Variants in PRKCA observed in about 807,000 individuals in gnomAD.
The protein encoded by PRKCA is protein kinase C alpha, also known as protein kinase C alpha type.
In PRKCA, 27 loss-of-function variants were observed where a neutral mutation model predicts 87.0. The observed-to-expected ratio is 0.31, with a 90% CI of 0.23 to 0.43. PRKCA has a LOEUF of 0.43. Ranked by LOEUF, PRKCA falls within the 20% of genes least tolerant of loss-of-function variation. The pLI, the probability that PRKCA is intolerant of heterozygous loss-of-function variation, is 1.00. For missense variants in PRKCA, 518 were observed against 852.3 expected (o/e 0.61, Z 4.88); for synonymous variants, 329 against 311.1 (o/e 1.06, Z -0.61).
At chr17:66,674,504 C>T (rs1362677508) in intron 5 of PRKCA, among the ~76,000 whole-genome samples, 2 of 152,162 alleles carry the variant, frequency 1.3e-5, no homozygotes, top group East Asian at 1.9e-4. Context: ...AGGTTGCATG[C>T]AGTTAAATAT....
At chr17:66,399,100 C>CTTTTCT (rs1555598364) in intron 2 of PRKCA, among the ~76,000 whole-genome samples, 14,067 of 117,000 alleles carry the variant, frequency 0.12, 1,448 homozygotes, top group African/African-American at 0.27. Flanking sequence ...CTTTTCTTTT[C>CTTTTCT]TTTTTTTTTT....
rs577868935 is a variant in PRKCA at position 66,444,359 on chromosome 17, C to T, written c.206-51842C>T. Among the ~76,000 whole-genome samples the T allele has an allele frequency of 1.3e-3, 198 of 152,274 alleles. 2 individuals are homozygous for T. Among genetic ancestry groups the T allele is most frequent in the South Asian group, 1.7e-3 (8 of 4,820 alleles). On this transcript the variant is annotated intron_variant, in intron 2 of 16. Transcript: ENST00000413366. ...CTTTCATAGTTCAACGTTCTGGAAT[C>T]CAGAGGTGTCTTACATGATGGCCTG... is the stretch of plus-strand genomic sequence containing the variant.
At chr17:66,541,751 T>C (rs1967996119) in intron 3 of PRKCA, among the ~76,000 whole-genome samples, 1 of 152,250 alleles carries the variant, frequency 6.6e-6, no homozygotes, top group South Asian at 2.1e-4. Context: ...TCAGATGACA[T>C]TTACATATCT....
chr17:66,754,893 G>A (rs74450667), intron 13 of PRKCA, among the ~76,000 whole-genome samples: 2,907 of 152,200 alleles, frequency 0.019, 42 homozygotes, highest in Non-Finnish European at 0.03. Flanking sequence ...GCCCCACCTT[G>A]ATGAGTTCAT....
intron 2 of PRKCA, among the ~76,000 whole-genome samples, chr17:66,436,400 G>A (rs1279855939): frequency 6.6e-6 from 1 of 152,188 alleles, no homozygotes; most frequent in African/African-American, 2.4e-5. Context: ...CCCCATTTAT[G>A]AGGGTGAAAA....
At chr17:66,585,697 A>G (rs1339639602) in intron 3 of PRKCA, among the ~76,000 whole-genome samples, 2 of 152,232 alleles carry the variant, frequency 1.3e-5, no homozygotes, top group Non-Finnish European at 2.9e-5. Flanking sequence ...GCAGGGAGCC[A>G]GCAGCTTAAG....
chr17:66,493,036 G>T (rs984755333), intron 2 of PRKCA, among the ~76,000 whole-genome samples: 1 of 152,200 alleles, frequency 6.6e-6, no homozygotes, highest in Non-Finnish European at 1.5e-5. Context: ...ACCTTTCTGT[G>T]GATGGTTCCT....
intron 3 of PRKCA, among the ~76,000 whole-genome samples, chr17:66,513,783 A>G (rs1038552810): frequency 4.6e-5 from 7 of 152,242 alleles, no homozygotes; most frequent in Admixed American, 1.3e-4. Context: ...TAGGTGCAAA[A>G]GCTTAATATA....
intron 3 of PRKCA, among the ~76,000 whole-genome samples, chr17:66,508,687 A>G (rs1567865418): frequency 6.6e-6 from 1 of 152,114 alleles, no homozygotes; most frequent in Non-Finnish European, 1.5e-5. Flanking sequence ...TAGGTTTCCA[A>G]GTGCTACGAG....
intron 2 of PRKCA, among the ~76,000 whole-genome samples, chr17:66,309,800 T>C (rs1397722756): frequency 6.6e-6 from 1 of 152,194 alleles, no homozygotes; most frequent in Non-Finnish European, 1.5e-5. Context: ...CACTTTTTTT[T>C]TCCCCCGTCA....
At position 66,637,307 on chromosome 17, in the gene PRKCA, T is replaced by C. The variant is rs183066310; in HGVS notation, c.289-4048T>C. On this transcript the variant is annotated intron_variant, in intron 3 of 16. Transcript: ENST00000413366. The stretch of plus-strand genomic sequence containing the variant: ...TCTTTATTAATTTAGTGCCATTTGT[T>C]GATGCCTCGTTTCTGCAGGGAAAAC... Among the ~76,000 whole-genome samples the C allele has an allele frequency of 2.6e-3, 395 of 152,330 alleles. 2 individuals are homozygous for C. The highest frequency in any genetic ancestry group is 4.9e-3 in the Non-Finnish European group (335 of 68,034).
At chr17:66,568,126 C>T (rs1258173579) in intron 3 of PRKCA, among the ~76,000 whole-genome samples, 1 of 152,064 alleles carries the variant, frequency 6.6e-6, no homozygotes, top group African/African-American at 2.4e-5. Flanking sequence ...ACTGGCCTGG[C>T]CAACACGATG....
intron 5 of PRKCA, among the ~76,000 whole-genome samples, chr17:66,655,556 A>G (rs1971713781): frequency 6.6e-6 from 1 of 152,206 alleles, no homozygotes; most frequent in African/African-American, 2.4e-5. Flanking sequence ...CATGCCCTTT[A>G]TAACATGTAT....
At chr17:66,311,340 G>T (rs1191841500) in intron 2 of PRKCA, among the ~76,000 whole-genome samples, 1 of 152,184 alleles carries the variant, frequency 6.6e-6, no homozygotes, top group African/African-American at 2.4e-5. Context: ...CTGTGGTTGG[G>T]TGCAGTGGCT....
chr17:66,547,323 A>G (rs1369344292), intron 3 of PRKCA, among the ~76,000 whole-genome samples: 1 of 152,132 alleles, frequency 6.6e-6, no homozygotes, highest in East Asian at 1.9e-4. Flanking sequence ...GTGCCCTGCT[A>G]TGGATGACAC....
intron 2 of PRKCA, among the ~76,000 whole-genome samples, chr17:66,368,958 C>G (rs146921301): frequency 4.6e-5 from 7 of 152,126 alleles, no homozygotes; most frequent in Non-Finnish European, 8.8e-5. Flanking sequence ...ATCTGTAGAT[C>G]GTGAGGGGGG....
At chr17:66,445,985 T>C (rs973670821) in intron 2 of PRKCA, among the ~76,000 whole-genome samples, 3 of 151,994 alleles carry the variant, frequency 2.0e-5, no homozygotes, top group Non-Finnish European at 4.4e-5. Flanking sequence ...GGCTAATTTT[T>C]GTATTTTCTG....
intron 2 of PRKCA, among the ~76,000 whole-genome samples, chr17:66,385,557 ACT>A (rs1910013392): frequency 6.6e-6 from 1 of 151,872 alleles, no homozygotes; most frequent in African/African-American, 2.4e-5. Context: ...TTTTATAAAA[ACT>A]CTTTTAAAAA....
chr17:66,562,877 A>AT (rs1272128563), intron 3 of PRKCA, among the ~76,000 whole-genome samples: 1 of 152,164 alleles, frequency 6.6e-6, no homozygotes, highest in Non-Finnish European at 1.5e-5. Flanking sequence ...GATTACAGGC[A>AT]TGAACACTGT....
Sources: gnomAD v4.1 joint callset for allele counts (sites outside exome capture counted in the v4.1 genomes callset) on GRCh38, gnomAD v4.1.1 for gene constraint, MANE v1.5 for transcripts, NCBI Gene and HGNC (gene_info 2026-07-23, HGNC 2026-07-21) for gene names.